The following DENND2B variants were observed in gnomAD, a reference collection of about 807,000 sequenced individuals.
The protein encoded by DENND2B is DENN domain containing 2B, also known as DENN domain-containing protein 2B.
A neutral mutation model predicts 116.0 loss-of-function variants in DENND2B; 32 were observed. The ratio of observed to expected loss-of-function variants is 0.28; its 90% CI spans 0.21 to 0.37. DENND2B has a LOEUF of 0.37. DENND2B is among the 10% of genes least tolerant of loss of function. The probability of loss-of-function intolerance (pLI) is 1.00; values close to 1 mark genes in which losing one functional copy is unlikely to be tolerated. For missense variants in DENND2B, 1,276 were observed against 1,477.7 expected (o/e 0.86, Z 2.24); for synonymous variants, 588 against 583.9 (o/e 1.01, Z -0.10).
intron 1 of DENND2B, among the ~76,000 whole-genome samples, chr11:8,751,859 G>C (rs1401663253): frequency 1.3e-5 from 2 of 152,098 alleles, no homozygotes; most frequent in African/African-American, 4.8e-5. Flanking sequence ...CATATCTCCT[G>C]ACATACTATT....
intron 1 of DENND2B, among the ~76,000 whole-genome samples, chr11:8,756,574 C>T (rs2053645563): frequency 2.0e-5 from 3 of 152,220 alleles, no homozygotes; most frequent in Admixed American, 6.5e-5. Context: ...CACCAGCCTC[C>T]CCACCAACTG....
chr11:8,854,016 A>ATTTTTTTTTTTTTTTTTTTTTTTTTTTTT (rs71059187), intron 3 of DENND2B, among the ~76,000 whole-genome samples: 1 of 62,776 alleles, frequency 1.6e-5, no homozygotes, highest in Non-Finnish European at 2.8e-5. Context: ...GCCCCAGTTA[A>ATTTTTTTTTTTTTTTTTTTTTTTTTTTTT]TTTTTTTTTT....
intron 1 of DENND2B, among the ~76,000 whole-genome samples, chr11:8,805,234 G>C (rs2060738249): frequency 6.6e-6 from 1 of 152,152 alleles, no homozygotes; most frequent in Non-Finnish European, 1.5e-5. Context: ...AAATGCAAAT[G>C]GTTCCATCAG....
chr11:8,890,528 G>A (rs1160110070), intron 1 of DENND2B, among the ~76,000 whole-genome samples: 1 of 152,136 alleles, frequency 6.6e-6, no homozygotes, highest in East Asian at 1.9e-4. Flanking sequence ...AGAATAACCA[G>A]TGTAGAGAAG....
intron 1 of DENND2B, among the ~76,000 whole-genome samples, chr11:8,765,672 CCTTTCAATTT>C (rs1375945735): frequency 1.4e-5 from 2 of 139,264 alleles, no homozygotes; most frequent in Admixed American, 1.5e-4. Flanking sequence ...AAATATTTTT[CCTTTCAATTT>C]CTTGTATCAT....
In DENND2B at chr11:8,702,730, A is replaced by C; in HGVS notation, c.2572-10T>G. The C allele has an allele frequency of 6.2e-7, 1 of 1,609,458 alleles. No individual in the cohort carries two copies. The highest frequency in any genetic ancestry group is 8.5e-7 in the Non-Finnish European group (1 of 1,177,602). On this transcript the variant is annotated splice_polypyrimidine_tract_variant and intron_variant, in intron 13 of 19. Coordinates refer to ENST00000313726, the MANE Select transcript of DENND2B (RefSeq NM_213618.2). This position sits in a 1 kb window ranked among gnomAD's most constrained non-coding sequence, Gnocchi z 4.6. ...GCCGCAGCTCTAACACCTGCAGGAG[A>C]GCGATGGGAAAGTGGGCCGGGGCCA...
chr11:8,803,345 A>G (rs2060520455), intron 1 of DENND2B, among the ~76,000 whole-genome samples: 1 of 152,234 alleles, frequency 6.6e-6, no homozygotes, highest in Non-Finnish European at 1.5e-5. Flanking sequence ...AGATCATGCC[A>G]CTGCACTCCA....
intron 1 of DENND2B, among the ~76,000 whole-genome samples, chr11:8,782,744 G>A (rs533148269): frequency 7.9e-5 from 12 of 151,922 alleles, no homozygotes; most frequent in Admixed American, 5.9e-4. Flanking sequence ...AAAATTAGGC[G>A]GGCGTGGGGG....
In DENND2B at chr11:8,702,533, C is replaced by T. The variant is rs776106904; in HGVS notation, c.2720+39G>A. ...GCTGATTCGCTTGTGGGTGTGCCTTCCCCCCTCCCTTCTGCTTTCTTGCCC... is the reference window on the plus strand; with the variant it reads ...GCTGATTCGCTTGTGGGTGTGCCTTTCCCCCTCCCTTCTGCTTTCTTGCCC... On this transcript the variant is annotated intron_variant, in intron 14 of 19. Transcript: ENST00000313726. The surrounding 1 kb of genome is among the most constrained non-coding windows in gnomAD (Gnocchi z 4.6). 6.2e-7 allele frequency: 1 copy of T among 1,605,576 alleles called. No homozygotes were observed. The highest frequency in any genetic ancestry group is 2.2e-5 in the East Asian group (1 of 44,848).
intron 16 of DENND2B, chr11:8,698,074 G>C: frequency 3.2e-6 from 1 of 313,290 alleles, no homozygotes; most frequent in South Asian, 2.6e-5. Context: ...CAGGCAGGTC[G>C]AGGCTGCAGT....
chr11:8,744,745 CCT>C (rs1165916542), intron 2 of DENND2B, among the ~76,000 whole-genome samples: 1 of 152,080 alleles, frequency 6.6e-6, no homozygotes, highest in Non-Finnish European at 1.5e-5. Flanking sequence ...CTTATTTTCC[CCT>C]TTTTGAAAAG....
At chr11:8,902,846 T>C (rs2568034) in intron 1 of DENND2B, among the ~76,000 whole-genome samples, 44,070 of 152,140 alleles carry the variant, frequency 0.29, 7,224 homozygotes, top group South Asian at 0.45. Flanking sequence ...TCTCTGCTTA[T>C]AGAATGGGCT....
intron 2 of DENND2B, among the ~76,000 whole-genome samples, chr11:8,877,874 A>G (rs1410933700): frequency 1.3e-5 from 2 of 152,250 alleles, no homozygotes; most frequent in Non-Finnish European, 2.9e-5. Context: ...TGGGGGGAAT[A>G]AAAGTAATAA....
At chr11:8,889,289 A>G (rs2063997365) in intron 1 of DENND2B, among the ~76,000 whole-genome samples, 1 of 152,376 alleles carries the variant, frequency 6.6e-6, no homozygotes, top group East Asian at 1.9e-4. Flanking sequence ...GAATAGGAAC[A>G]GCTCCAGTCT....
intron 13 of DENND2B, among the ~76,000 whole-genome samples, chr11:8,705,581 TC>T (rs1223416168): frequency 6.6e-6 from 1 of 152,152 alleles, no homozygotes; most frequent in Non-Finnish European, 1.5e-5. Context: ...AAATACCTTC[TC>T]TTGGGGGTCT....
chr11:8,726,944 GC>G (rs1235263719), intron 3 of DENND2B, among the ~76,000 whole-genome samples: 2 of 152,214 alleles, frequency 1.3e-5, no homozygotes, highest in Non-Finnish European at 2.9e-5. Flanking sequence ...CCAAGACCAG[GC>G]TTCCCTTCAG....
intron 4 of DENND2B, among the ~76,000 whole-genome samples, chr11:8,724,977 T>A (rs117559465): frequency 2.0e-5 from 3 of 152,210 alleles, no homozygotes; most frequent in Non-Finnish European, 2.9e-5. Context: ...CACCGCCCCA[T>A]GGGACTTAGG....
chr11:8,749,070 T>C (rs1184578129), intron 2 of DENND2B, among the ~76,000 whole-genome samples: 1 of 152,158 alleles, frequency 6.6e-6, no homozygotes, highest in African/African-American at 2.4e-5. Flanking sequence ...ACTCCTACAG[T>C]AGTGTGATAT....
intron 1 of DENND2B, among the ~76,000 whole-genome samples, chr11:8,885,445 A>G (rs1202084906): frequency 2.0e-5 from 3 of 147,140 alleles, no homozygotes; most frequent in African/African-American, 7.6e-5. Context: ...TAACTGTAGT[A>G]TGTGCATTGT....
Sources: allele counts gnomAD v4.1 joint callset (sites outside exome capture counted in the v4.1 genomes callset), GRCh38; gene constraint gnomAD v4.1.1; non-coding constraint Gnocchi (gnomAD v3.1); transcripts MANE v1.5; gene names NCBI Gene and HGNC (gene_info 2026-07-23, HGNC 2026-07-21).